MYL12B: variants seen among roughly 807,000 people sequenced by gnomAD.
MYL12B encodes the protein myosin regulatory light chain 12B.
In MYL12B, 3 loss-of-function variants were observed where a neutral mutation model predicts 12.9. That is an observed-to-expected ratio of 0.23 (90% CI 0.11 to 0.60). The LOEUF (loss-of-function observed/expected upper bound fraction) is 0.60. Among genes scored for constraint, MYL12B ranks in the 20% least tolerant of loss-of-function variants. The pLI is 0.89. For synonymous variants in MYL12B, 57 were observed against 71.9 expected, an observed-to-expected ratio of 0.79 and a Z score of 1.05; for missense variants, 120 against 215.4, an observed-to-expected ratio of 0.56 and a Z score of 2.77.
chr18:3,269,051 A>G (rs1186952694), intron 1 of MYL12B, among the ~76,000 whole-genome samples: 1 of 152,220 alleles, frequency 6.6e-6, no homozygotes, highest in Non-Finnish European at 1.5e-5. Context: ...AAGATGTGGC[A>G]TGGTACCTTG....
chr18:3,268,063 G>A (rs920080556), intron 1 of MYL12B, among the ~76,000 whole-genome samples: 3 of 152,088 alleles, frequency 2.0e-5, no homozygotes, highest in South Asian at 2.1e-4. Flanking sequence ...CTGTGAGTGC[G>A]GAACCTGTGG....
intron 1 of MYL12B, among the ~76,000 whole-genome samples, chr18:3,269,753 T>C (rs933954898): frequency 6.6e-6 from 1 of 152,216 alleles, no homozygotes; most frequent in African/African-American, 2.4e-5. Context: ...GCTAGAATAC[T>C]GGGAAACATG....
intron 2 of MYL12B, 161 bp from the exon 3 acceptor site, chr18:3,277,092 G>C (rs2081738664): frequency 2.1e-6 from 2 of 930,758 alleles, no homozygotes; most frequent in South Asian, 5.0e-5. Flanking sequence ...TATTTTTTAA[G>C]TTGTCAAAAA....
At chr18:3,262,398 T>TGGAGGGAGGAGGGTTGGC (rs1238863349) in intron 1 of MYL12B, 161 bp downstream of exon 1, 2 of 128,870 alleles carry the variant, frequency 1.6e-5, no homozygotes, top group African/African-American at 5.2e-5. Flanking sequence ...GGGCCGGAGG[T>TGGAGGGAGGAGGGTTGGC]GGAGGGAGGA....
At position 3,278,154 on chromosome 18, in the gene MYL12B, G is replaced by A. The variant is rs750367885; in HGVS notation, c.*217G>A. On this transcript the variant is annotated 3_prime_UTR_variant, in exon 4 of 4. Transcript: ENST00000237500. ...TGTAAATTGTATTGAAAAAGATCGCGAATAAAAATCAACAAATGTGAAAGC... is the reference window on the plus strand; with the variant it reads ...TGTAAATTGTATTGAAAAAGATCGCAAATAAAAATCAACAAATGTGAAAGC... The A allele has an allele frequency of 4.8e-6, 2 of 416,378 alleles. No homozygotes were observed. Among genetic ancestry groups the A allele is most frequent in the Admixed American group, 4.5e-5 (1 of 22,086 alleles). The allele number at this position is 416,378 out of a possible 1,614,324, so 25.8% of individuals were successfully genotyped here. A position where few individuals can be genotyped will look rare whatever the true frequency, so the allele number is the denominator to read the frequency against.
At chr18:3,268,486 C>A (rs1014173961) in intron 1 of MYL12B, among the ~76,000 whole-genome samples, 2 of 152,178 alleles carry the variant, frequency 1.3e-5, no homozygotes, top group African/African-American at 4.8e-5. Flanking sequence ...CTGATAGTTG[C>A]CACCTGACTA....
intron 3 of MYL12B, 42 bp from the exon 4 acceptor site, chr18:3,277,722 AG>A (rs1262243116): frequency 5.7e-6 from 9 of 1,575,238 alleles, no homozygotes; most frequent in Non-Finnish European, 7.7e-6. Flanking sequence ...TCAAAGTGCC[AG>A]GAAGTATTGA....
chr18:3,274,082 CTT>C (rs1567991806), intron 2 of MYL12B, among the ~76,000 whole-genome samples: 1 of 151,830 alleles, frequency 6.6e-6, no homozygotes, highest in African/African-American at 2.4e-5. Flanking sequence ...CATTTTGTAA[CTT>C]TTCTTTATCT....
intron 1 of MYL12B, among the ~76,000 whole-genome samples, chr18:3,268,915 G>A (rs934573950): frequency 1.3e-5 from 2 of 152,192 alleles, no homozygotes; most frequent in African/African-American, 4.8e-5. Context: ...TAGCACATGA[G>A]TCACTTAATA....
At chr18:3,263,183 G>C (rs2081608388) in intron 1 of MYL12B, 1 of 152,204 alleles carries the variant, frequency 6.6e-6, no homozygotes, top group Non-Finnish European at 1.5e-5. Context: ...TTAGGAGAAA[G>C]AAAAGATTAT....
intron 1 of MYL12B, among the ~76,000 whole-genome samples, chr18:3,267,878 A>G (rs2081646419): frequency 1.3e-5 from 2 of 152,260 alleles, no homozygotes; most frequent in Non-Finnish European, 2.9e-5. Context: ...AAAATGGCAT[A>G]GTATTTGCAT....
intron 1 of MYL12B, among the ~76,000 whole-genome samples, chr18:3,268,544 A>T (rs985614123): frequency 1.3e-5 from 2 of 152,206 alleles, no homozygotes; most frequent in African/African-American, 4.8e-5. Flanking sequence ...AGTGCCACTC[A>T]CATTTCATTT....
intron 2 of MYL12B, 101 bp from the exon 3 acceptor site, chr18:3,277,152 G>A (rs1337538913): frequency 3.9e-6 from 5 of 1,282,840 alleles, no homozygotes; most frequent in Non-Finnish European, 5.1e-6. Context: ...AGTTTCAAAT[G>A]ATGTACATTT....
At chr18:3,270,750 C>T (rs767459954) in intron 1 of MYL12B, among the ~76,000 whole-genome samples, 2 of 152,164 alleles carry the variant, frequency 1.3e-5, no homozygotes, top group Non-Finnish European at 2.9e-5. Context: ...GTTCACCAGC[C>T]TCGACCTCCC....
chr18:3,276,750 A>T (rs1261041982), intron 2 of MYL12B, among the ~76,000 whole-genome samples: 1 of 152,056 alleles, frequency 6.6e-6, no homozygotes, highest in African/African-American at 2.4e-5. Context: ...AACATTCAGG[A>T]TGTAGGCCGG....
At chr18:3,269,303 G>T (rs561736905) in intron 1 of MYL12B, among the ~76,000 whole-genome samples, 2 of 150,590 alleles carry the variant, frequency 1.3e-5, no homozygotes, top group Non-Finnish European at 3.0e-5. Context: ...TGAGAGAGCC[G>T]AGAGGCAAGG....
Position 3,273,669 on chromosome 18 carries a change from G to C in MYL12B, c.184+587G>C, listed in dbSNP as rs570305916. Among the ~76,000 whole-genome samples the C allele has an allele frequency of 7.2e-5, 11 of 152,068 alleles. 2 individuals carry two copies. The highest frequency in any genetic ancestry group is 2.7e-4 in the African/African-American group (11 of 41,482). On this transcript the variant is annotated intron_variant, in intron 2 of 3. Transcript: ENST00000237500. ...CTTAACATGCATCCTACATGTTCTG[G>C]CCAGAGTCAGCAGTTAATTTACAGT...
chr18:3,277,930 A>G lies in MYL12B; in HGVS notation c.512A>G (p.Asp171Gly). Residue 171 changes from aspartate (D) to glycine (G), a missense_variant, in exon 4 of 4, where the codon GAT (aspartate) becomes GGT (glycine). Transcript: ENST00000237500. ...RILKHGAKDK[D>G]D is the part of the protein sequence containing the mutation. ...CTGAAACATGGAGCCAAAGACAAAG[A>G]TGACTGAAAGAACTTTAGCTAAAAT... is the stretch of plus-strand genomic sequence containing the variant. The G allele has an allele frequency of 6.2e-7, 1 of 1,613,652 alleles. No homozygotes were observed. The highest frequency in any genetic ancestry group is 8.5e-7 in the Non-Finnish European group (1 of 1,179,796).
chr18:3,262,341 G>C (rs1348049099), intron 1 of MYL12B, 104 bp downstream of exon 1: 2 of 152,174 alleles, frequency 1.3e-5, no homozygotes, highest in Non-Finnish European at 2.9e-5. Flanking sequence ...GCCCCAGGGC[G>C]GCCAGGCGGC....
Sources: allele counts gnomAD v4.1 joint callset (sites outside exome capture counted in the v4.1 genomes callset), GRCh38; gene constraint gnomAD v4.1.1; transcripts MANE v1.5; gene names NCBI Gene and HGNC (gene_info 2026-07-23, HGNC 2026-07-21).